The following C16orf46 variants were observed in gnomAD, a reference collection of about 807,000 sequenced individuals.
The protein encoded by C16orf46 is uncharacterized protein C16orf46.
In C16orf46, 7 loss-of-function variants were observed where a neutral mutation model predicts 5.5. That is an observed-to-expected ratio of 1.28 (90% CI 0.73 to 2.40). The LOEUF (loss-of-function observed/expected upper bound fraction) is 2.40. Among genes scored for constraint, C16orf46 ranks in the 30% most tolerant of loss-of-function variants. The pLI, the probability that C16orf46 is intolerant of heterozygous loss-of-function variation, is 0.00. For synonymous variants in C16orf46, 200 were observed against 184.1 expected, an observed-to-expected ratio of 1.09 and a Z score of -0.70; for missense variants, 614 against 476.0, an observed-to-expected ratio of 1.29 and a Z score of -2.70.
chr16:81,061,432 T>A lies in C16orf46; in HGVS notation c.917A>T (p.Glu306Val). 1 of 1,614,150 alleles carries A rather than the reference T, an allele frequency of 6.2e-7. No individual in the cohort carries two copies. Among genetic ancestry groups the A allele is most frequent in the Non-Finnish European group, 8.5e-7 (1 of 1,180,036 alleles). The change falls in exon 4 of 4, where the codon GAG becomes GTG. Residue 306 changes from glutamate (E) to valine (V), a missense_variant. Glu to Val is a moderately radical substitution (Grantham distance 121). Coordinates refer to ENST00000299578, the MANE Select transcript of C16orf46 (RefSeq NM_152337.3). ...QRCLHWSLLSEKNLACPPDPS... is the reference protein window; with the variant it reads ...QRCLHWSLLSVKNLACPPDPS... ...GTCTGGAGGGCACGCCAGGTTTTTC[T>A]CAGACAGGAGGGACCAATGCAGGCA...
In C16orf46 at chr16:81,063,231, A is replaced by G. The variant is rs111947053; in HGVS notation, c.210+515T>C. On this transcript the variant is annotated intron_variant, in intron 3 of 3. Transcript: ENST00000299578. ...GCACTCCAGCCTGGGCGACAGAAAG[A>G]GACTCCATCTCAGGGAAAAAAAAAA... Among the ~76,000 whole-genome samples the G allele has an allele frequency of 9.7e-3, 1,406 of 145,204 alleles. 25 individuals are homozygous for G. The highest frequency in any genetic ancestry group is 0.033 in the African/African-American group (1,294 of 38,806).
At chr16:81,069,290 C>T (rs1273436456) in intron 1 of C16orf46, among the ~76,000 whole-genome samples, 2 of 152,142 alleles carry the variant, frequency 1.3e-5, no homozygotes, top group Non-Finnish European at 2.9e-5. Context: ...TATCTCTTTT[C>T]CAGTGGTTAA....
chr16:81,060,669 C>T (rs1328605224), downstream of C16orf46: 1 of 156,154 alleles, frequency 6.4e-6, no homozygotes, highest in Non-Finnish European at 1.4e-5. Flanking sequence ...TGAGGCAGCA[C>T]ATAGACACCT....
At chr16:81,058,060 A>AAAAC, downstream of C16orf46, 1 of 171,366 alleles carries the variant, frequency 5.8e-6, no homozygotes, top group East Asian at 1.8e-4. Context: ...AAAACAAAAC[A>AAAAC]AAACCTGAAA....
chr16:81,073,056 G>C (rs1239798463), intron 1 of C16orf46, among the ~76,000 whole-genome samples: 1 of 152,172 alleles, frequency 6.6e-6, no homozygotes, highest in Non-Finnish European at 1.5e-5. Flanking sequence ...CTAAATTATA[G>C]CTACCTTATA....
exon 4 of C16orf46, chr16:81,054,061 G>T: frequency 6.2e-7 from 1 of 1,610,874 alleles, no homozygotes; most frequent in Non-Finnish European, 8.5e-7. Flanking sequence ...ATGTGAAACT[G>T]ATCCCTCTCC....
Position 81,061,689 on chromosome 16 carries a change from A to G in C16orf46, c.660T>C (p.Asn220=), listed in dbSNP as rs1971482949. ...VLPPLKASLS[N]ALDVLGKKSK... is the part of the protein sequence containing the mutation. ...TCTTCTTACCCAGAACATCCAAAGCATTTGAAAGTGAAGCCTTCAGGGGAG... is the reference window on the plus strand; with the variant it reads ...TCTTCTTACCCAGAACATCCAAAGCGTTTGAAAGTGAAGCCTTCAGGGGAG... The change falls in exon 4 of 4, where the codon AAT becomes AAC. Residue 220 remains asparagine (N), a synonymous_variant. Transcript: ENST00000299578. The G allele has an allele frequency of 6.2e-7, 1 of 1,614,162 alleles. No individual in the cohort carries two copies. The highest frequency in any genetic ancestry group is 1.3e-5 in the African/African-American group (1 of 75,054).
At chr16:81,072,646 A>C (rs1247782166) in intron 1 of C16orf46, among the ~76,000 whole-genome samples, 4 of 152,044 alleles carry the variant, frequency 2.6e-5, no homozygotes, top group Non-Finnish European at 5.9e-5. Context: ...AGCCTCCCAA[A>C]GTGCTGGGAT....
intron 1 of C16orf46, chr16:81,072,155 G>C (rs1971876709): frequency 6.6e-6 from 1 of 152,130 alleles, no homozygotes; most frequent in Non-Finnish European, 1.5e-5. Context: ...ACTATGCATG[G>C]ATGAGAAAAA....
At chr16:81,057,653 C>T (rs2911159), downstream of C16orf46, among the ~76,000 whole-genome samples, 116,862 of 150,988 alleles carry the variant, frequency 0.77, 47,723 homozygotes, top group South Asian at 0.91. Flanking sequence ...TCTTTTGAAA[C>T]GTATAAACTG....
Position 81,060,984 on chromosome 16 carries a change from G to T in C16orf46, c.*177C>A. On this transcript the variant is annotated 3_prime_UTR_variant, in exon 4 of 4. Coordinates refer to ENST00000299578, the MANE Select transcript of C16orf46 (RefSeq NM_152337.3). ...AAATAAATCCCAACAATCCACTGAGGTTCAGTTTTCTTCAGTTGTACTACA... is the reference window on the plus strand; with the variant it reads ...AAATAAATCCCAACAATCCACTGAGTTTCAGTTTTCTTCAGTTGTACTACA... The T allele has an allele frequency of 1.4e-6, 2 of 1,379,454 alleles. No individual in the cohort carries two copies. Among genetic ancestry groups the T allele is most frequent in the South Asian group, 1.9e-5 (1 of 52,656 alleles). 85.5% of individuals were successfully genotyped at this position (1,379,454 alleles called of 1,614,324 possible). A position where few individuals can be genotyped will look rare whatever the true frequency, so the allele number is the denominator to read the frequency against.
At chr16:81,074,532 G>A (rs1351514189) in intron 1 of C16orf46, among the ~76,000 whole-genome samples, 3 of 151,916 alleles carry the variant, frequency 2.0e-5, no homozygotes, top group East Asian at 1.9e-4. Flanking sequence ...CTACAGATGC[G>A]CGCCATCACG....
At chr16:81,062,348 T>C (rs981714390) in intron 3 of C16orf46, among the ~76,000 whole-genome samples, 11 of 152,152 alleles carry the variant, frequency 7.2e-5, no homozygotes, top group Non-Finnish European at 1.5e-4. Flanking sequence ...CATGAAAAAG[T>C]GTAATACCTA....
intron 1 of C16orf46, among the ~76,000 whole-genome samples, chr16:81,074,416 C>T (rs148850275): frequency 5.9e-5 from 9 of 151,730 alleles, no homozygotes; most frequent in South Asian, 2.1e-4. Context: ...GACAGAGTCT[C>T]GCTCTGTTGC....
intron 3 of C16orf46, 78 bp downstream of exon 3, chr16:81,063,668 A>G (rs1253375643): frequency 1.6e-6 from 2 of 1,271,390 alleles, no homozygotes; most frequent in African/African-American, 3.0e-5. Context: ...AATATTAACT[A>G]TTTTTGGGAA....
downstream of C16orf46, chr16:81,058,059 C>G (rs1214132655): frequency 1.2e-5 from 2 of 173,292 alleles, no homozygotes; most frequent in Non-Finnish European, 2.5e-5. Flanking sequence ...CAAAACAAAA[C>G]AAAACCTGAA....
At chr16:81,054,836 C>T (rs2151745087) in intron 3 of C16orf46, among the ~76,000 whole-genome samples, 1 of 148,962 alleles carries the variant, frequency 6.7e-6, no homozygotes, top group South Asian at 2.1e-4. Flanking sequence ...TTAGTAGAGG[C>T]AGGGTTTTGC....
intron 1 of C16orf46, among the ~76,000 whole-genome samples, chr16:81,074,386 TTTTC>T (rs1310128624): frequency 1.3e-5 from 2 of 150,964 alleles, no homozygotes; most frequent in Non-Finnish European, 3.0e-5. Flanking sequence ...ACTCAATCTT[TTTTC>T]TTTCTTTTTT....
intron 1 of C16orf46, among the ~76,000 whole-genome samples, chr16:81,068,733 G>T (rs1009276095): frequency 6.6e-6 from 1 of 151,406 alleles, no homozygotes; most frequent in Non-Finnish European, 1.5e-5. Context: ...ACCAAGTCTC[G>T]CTCTGTCACC....
Sources: gnomAD v4.1 joint callset for allele counts (sites outside exome capture counted in the v4.1 genomes callset) on GRCh38, gnomAD v4.1.1 for gene constraint, MANE v1.5 for transcripts, NCBI Gene and HGNC (gene_info 2026-07-23, HGNC 2026-07-21) for gene names.